MAP2K6: variants seen among roughly 807,000 people sequenced by gnomAD.
MAP2K6 encodes the protein dual specificity mitogen-activated protein kinase kinase 6.
A neutral mutation model predicts 53.7 loss-of-function variants in MAP2K6; 16 were observed. The observed-to-expected ratio is 0.30, with a 90% CI of 0.20 to 0.45. The LOEUF is 0.45. Ranked by LOEUF, MAP2K6 falls within the 20% of genes least tolerant of loss-of-function variation. The pLI is 1.00. For synonymous variants in MAP2K6, 132 were observed against 143.1 expected (o/e 0.92, Z 0.55); for missense variants, 204 against 411.9 (o/e 0.50, Z 4.37).
At chr17:69,440,936 A>G in intron 1 of MAP2K6, among the ~76,000 whole-genome samples, 1 of 152,076 alleles carries the variant, frequency 6.6e-6, no homozygotes, top group East Asian at 1.9e-4. Flanking sequence ...AGTTTAAACT[A>G]TTTGGAGTTT....
chr17:69,531,610 T>TC (rs773408415), intron 10 of MAP2K6, among the ~76,000 whole-genome samples: 2 of 152,188 alleles, frequency 1.3e-5, no homozygotes, highest in Non-Finnish European at 2.9e-5. Flanking sequence ...TTTTTGCATT[T>TC]CTTTTGCAGT....
chr17:69,443,371 A>T (rs528950284), intron 1 of MAP2K6, among the ~76,000 whole-genome samples: 1 of 152,012 alleles, frequency 6.6e-6, no homozygotes, highest in African/African-American at 2.4e-5. Flanking sequence ...AGTTCTTCCC[A>T]TTTGGCCAGG....
At chr17:69,525,100 C>A (rs2716206) in intron 9 of MAP2K6, 122 bp downstream of exon 9, 398,776 of 652,256 alleles carry the variant, frequency 0.61, 124,800 homozygotes, top group African/African-American at 0.8. Context: ...TCCTGCTGAG[C>A]TGGTAGGAGA....
chr17:69,551,808 T>C lies in MAP2K6; in HGVS notation c.*10055T>C, dbSNP rs373530530. The C allele has an allele frequency of 6.6e-6, 1 of 152,236 alleles. No homozygotes were observed. The highest frequency in any genetic ancestry group is 1.5e-5 in the Non-Finnish European group (1 of 68,028). 9.4% of individuals were successfully genotyped at this position (152,236 alleles called of 1,614,324 possible). On this transcript the variant is annotated 3_prime_UTR_variant, in exon 12 of 12. Transcript: ENST00000590474. ...CACAACTAGGACATACTTCCTATGATACTGAATCATCAAATTGAGTCATTT... is the reference window on the plus strand; with the variant it reads ...CACAACTAGGACATACTTCCTATGACACTGAATCATCAAATTGAGTCATTT...
At chr17:69,444,983 C>T (rs940915480) in intron 1 of MAP2K6, among the ~76,000 whole-genome samples, 10 of 152,140 alleles carry the variant, frequency 6.6e-5, no homozygotes, top group East Asian at 1.9e-4. Flanking sequence ...TGCGGTGGCA[C>T]GATTTTGGCT....
chr17:69,439,490 G>T (rs1469907672), intron 1 of MAP2K6, among the ~76,000 whole-genome samples: 1 of 152,216 alleles, frequency 6.6e-6, no homozygotes, highest in Non-Finnish European at 1.5e-5. Flanking sequence ...GATGATAAAT[G>T]TAAGGTCAGG....
intron 1 of MAP2K6, chr17:69,502,658 A>G (rs1909229806): frequency 1.3e-5 from 13 of 985,410 alleles, no homozygotes; most frequent in Middle Eastern, 5.2e-4. Flanking sequence ...GAGGCTGGCA[A>G]TTTCAACTAG....
In MAP2K6 at chr17:69,552,828, C is replaced by T. The variant is rs1401319648; in HGVS notation, c.*11075C>T. 2.0e-5 allele frequency: 3 copies of T among 152,048 alleles called. No homozygotes were observed. Among genetic ancestry groups the T allele is most frequent in the African/African-American group, 7.2e-5 (3 of 41,418 alleles). 9.4% of individuals were successfully genotyped at this position (152,048 alleles called of 1,614,324 possible). A position where few individuals can be genotyped will look rare whatever the true frequency, so the allele number is the denominator to read the frequency against. ...ACATTTTCATTTTAGGCTAGCTTTC[C>T]TGTCACCCAGGTTGTGTGCATTTTT... On this transcript the variant is annotated 3_prime_UTR_variant, in exon 12 of 12. Transcript: ENST00000590474.
chr17:69,420,787 T>C (rs1330752522), intron 1 of MAP2K6, among the ~76,000 whole-genome samples: 4 of 152,246 alleles, frequency 2.6e-5, no homozygotes, highest in Non-Finnish European at 4.4e-5. Context: ...TAGCTTTGCT[T>C]GTTTTTGTTG....
At chr17:69,520,053 G>A (rs1453025852) in intron 5 of MAP2K6, 8 of 518,158 alleles carry the variant, frequency 1.5e-5, no homozygotes, top group Non-Finnish European at 2.0e-5. Flanking sequence ...GAGAGCACAT[G>A]CAGGTTCTGC....
At chr17:69,492,326 T>C (rs1173440967) in intron 1 of MAP2K6, among the ~76,000 whole-genome samples, 1 of 152,198 alleles carries the variant, frequency 6.6e-6, no homozygotes, top group South Asian at 2.1e-4. Flanking sequence ...TTGGTTTTCG[T>C]ATATGGTATA....
rs570290347 is a variant in MAP2K6, at chr17:69,551,212, A to C, written c.*9459A>C. On this transcript the variant is annotated 3_prime_UTR_variant, in exon 12 of 12. Coordinates refer to ENST00000590474, the MANE Select transcript of MAP2K6 (RefSeq NM_002758.4). ...TACCGTTTTTGTTCATTGACCTATCAGAAAAAAGCAAATCCTTTGGACAAT... is the reference window on the plus strand; with the variant it reads ...TACCGTTTTTGTTCATTGACCTATCCGAAAAAAGCAAATCCTTTGGACAAT... 7.9e-5 allele frequency: 12 copies of C among 152,334 alleles called. No individual in the cohort carries two copies. Among genetic ancestry groups the C allele is most frequent in the African/African-American group, 2.9e-4 (12 of 41,576 alleles). 9.4% of individuals were successfully genotyped at this position (152,334 alleles called of 1,614,324 possible). A position where few individuals can be genotyped will look rare whatever the true frequency, so the allele number is the denominator to read the frequency against.
chr17:69,424,304 T>G (rs1179685568), intron 1 of MAP2K6, among the ~76,000 whole-genome samples: 1 of 152,196 alleles, frequency 6.6e-6, no homozygotes, highest in Non-Finnish European at 1.5e-5. Flanking sequence ...AGCCCAGATT[T>G]GTTCACCACA....
chr17:69,501,172 A>G (rs1359550511), intron 1 of MAP2K6, among the ~76,000 whole-genome samples: 1 of 152,182 alleles, frequency 6.6e-6, no homozygotes, highest in African/African-American at 2.4e-5. Context: ...TTGGCACTGG[A>G]AACACTGCCA....
intron 1 of MAP2K6, among the ~76,000 whole-genome samples, chr17:69,471,044 T>C (rs1907966395): frequency 6.6e-6 from 1 of 152,228 alleles, no homozygotes; most frequent in African/African-American, 2.4e-5. Flanking sequence ...GCTCAGTATA[T>C]GTTTTTCAAT....
intron 1 of MAP2K6, among the ~76,000 whole-genome samples, chr17:69,446,462 G>A (rs1906966531): frequency 6.6e-6 from 1 of 152,212 alleles, no homozygotes; most frequent in Non-Finnish European, 1.5e-5. Context: ...GCCATTTTCT[G>A]TACCTCAGTT....
chr17:69,459,990 C>T (rs1006541183), intron 1 of MAP2K6, among the ~76,000 whole-genome samples: 13 of 151,124 alleles, frequency 8.6e-5, no homozygotes, highest in Non-Finnish European at 1.9e-4. Context: ...CCCTCCCTCC[C>T]TCCCTCCCTT....
intron 1 of MAP2K6, among the ~76,000 whole-genome samples, 166 bp downstream of exon 1, chr17:69,415,166 G>A (rs879487881): frequency 6.6e-6 from 1 of 152,074 alleles, no homozygotes; most frequent in Non-Finnish European, 1.5e-5. Flanking sequence ...GACACAGAGA[G>A]TTCCTGTAAG....
chr17:69,455,049 T>C (rs1462640405), intron 1 of MAP2K6, among the ~76,000 whole-genome samples: 1 of 151,790 alleles, frequency 6.6e-6, no homozygotes, highest in East Asian at 1.9e-4. Flanking sequence ...TTTTTTTTTT[T>C]TGGTGGAGGG....
Sources: gnomAD v4.1 joint callset for allele counts (sites outside exome capture counted in the v4.1 genomes callset) on GRCh38, gnomAD v4.1.1 for gene constraint, MANE v1.5 for transcripts, NCBI Gene and HGNC (gene_info 2026-07-23, HGNC 2026-07-21) for gene names.